Variants in EPHA6 observed in about 807,000 individuals in gnomAD.
EPHA6 encodes the protein ephrin type-A receptor 6.
A neutral mutation model predicts 112.0 loss-of-function variants in EPHA6; 50 were observed. The ratio of observed to expected loss-of-function variants is 0.45; its 90% CI spans 0.36 to 0.56. The LOEUF (loss-of-function observed/expected upper bound fraction) is 0.56, where lower values mean the gene tolerates loss of function less well. Ranked by LOEUF, EPHA6 falls within the 20% of genes least tolerant of loss-of-function variation. The probability of loss-of-function intolerance (pLI) is 0.00; values close to 1 mark genes in which losing one functional copy is unlikely to be tolerated. For missense variants in EPHA6, 1,280 were observed against 1,417.4 expected (o/e 0.90, Z 1.56); for synonymous variants, 529 against 490.7 (o/e 1.08, Z -1.03).
intron 1 of EPHA6, among the ~76,000 whole-genome samples, chr3:96,820,628 A>G (rs1434136893): frequency 6.6e-6 from 1 of 152,128 alleles, no homozygotes; most frequent in Non-Finnish European, 1.5e-5. Flanking sequence ...GAACAAAAAT[A>G]TGTAGCAAGG....
At chr3:97,163,890 A>C (rs1456522449) in intron 3 of EPHA6, among the ~76,000 whole-genome samples, 1 of 152,202 alleles carries the variant, frequency 6.6e-6, no homozygotes, top group Non-Finnish European at 1.5e-5. Context: ...AAAAGCTGGG[A>C]GTATACTTGT....
intron 13 of EPHA6, among the ~76,000 whole-genome samples, chr3:97,631,972 A>G (rs2093906988): frequency 6.6e-6 from 1 of 151,994 alleles, no homozygotes; most frequent in South Asian, 2.1e-4. Context: ...AAGATCTAGA[A>G]AGAAATATAG....
At chr3:97,569,010 C>G (rs1238451543) in intron 11 of EPHA6, among the ~76,000 whole-genome samples, 2 of 152,084 alleles carry the variant, frequency 1.3e-5, no homozygotes, top group Non-Finnish European at 2.9e-5. Flanking sequence ...CAGTCAGACA[C>G]CAAGGGTAGG....
chr3:96,976,847 A>G (rs2092230331), intron 2 of EPHA6, among the ~76,000 whole-genome samples: 1 of 152,196 alleles, frequency 6.6e-6, no homozygotes, highest in Admixed American at 6.6e-5. Flanking sequence ...GTCTACTTTT[A>G]GGAGCTTCAC....
At chr3:97,097,716 A>G (rs1359159783) in intron 3 of EPHA6, among the ~76,000 whole-genome samples, 7 of 151,944 alleles carry the variant, frequency 4.6e-5, no homozygotes, top group African/African-American at 1.4e-4. Context: ...TGTATCCATA[A>G]TAGGTACAAT....
chr3:97,554,933 T>C (rs968922038), intron 11 of EPHA6, among the ~76,000 whole-genome samples: 1 of 152,036 alleles, frequency 6.6e-6, no homozygotes, highest in Non-Finnish European at 1.5e-5. Flanking sequence ...CCTTTTTTTT[T>C]TTAATTATTA....
intron 11 of EPHA6, among the ~76,000 whole-genome samples, chr3:97,548,187 C>T (rs1165629783): frequency 3.9e-5 from 6 of 152,104 alleles, no homozygotes; most frequent in African/African-American, 7.2e-5. Flanking sequence ...CGGAGCTGTT[C>T]GTATTCGGCC....
rs1330147741 is a variant in EPHA6 at position 96,936,140 on chromosome 3, A to G, written c.451-51190A>G. 3.3e-5 allele frequency among the ~76,000 whole-genome samples: 5 copies of G among 152,252 alleles called. No individual in the cohort carries two copies. In the East Asian group the frequency reaches 9.7e-4, roughly 29 times the overall value. ...GCAGCTCCATAGGAGCCAGGTTGGA[A>G]AAGTTTCTAGGAAAACAACATCTAT... On this transcript the variant is annotated intron_variant, in intron 2 of 17. Transcript: ENST00000389672.
intron 5 of EPHA6, among the ~76,000 whole-genome samples, chr3:97,371,227 A>C (rs186365784): frequency 1.1e-4 from 16 of 152,266 alleles, no homozygotes; most frequent in African/African-American, 3.8e-4. Context: ...TACTTCTTAA[A>C]GGTAAGTATA....
chr3:97,164,207 C>T (rs1394558296), intron 3 of EPHA6, among the ~76,000 whole-genome samples: 1 of 152,152 alleles, frequency 6.6e-6, no homozygotes, highest in Non-Finnish European at 1.5e-5. Flanking sequence ...AGGAGTATCA[C>T]ATATAGATAT....
intron 11 of EPHA6, among the ~76,000 whole-genome samples, chr3:97,547,861 C>G (rs1345525253): frequency 6.6e-6 from 1 of 152,212 alleles, no homozygotes; most frequent in East Asian, 1.9e-4. Flanking sequence ...TAGGACCCTC[C>G]AAGCCATGTG....
chr3:97,096,268 TACACACCCACAC>T (rs1302047573), intron 3 of EPHA6, among the ~76,000 whole-genome samples: 5 of 142,892 alleles, frequency 3.5e-5, no homozygotes, highest in Non-Finnish European at 7.6e-5. Flanking sequence ...TACACACACA[TACACACCCACAC>T]ACACACACAC....
intron 2 of EPHA6, among the ~76,000 whole-genome samples, chr3:96,936,285 A>G (rs1190682568): frequency 1.3e-5 from 2 of 151,992 alleles, no homozygotes; most frequent in African/African-American, 2.4e-5. Flanking sequence ...GTTTTTTAAA[A>G]CTCAATAAAA....
chr3:96,958,960 C>A (rs2041862679), intron 2 of EPHA6, among the ~76,000 whole-genome samples: 1 of 152,090 alleles, frequency 6.6e-6, no homozygotes, highest in Non-Finnish European at 1.5e-5. Flanking sequence ...ATGAGTAATG[C>A]CGCTGTGAAC....
At position 97,622,955 on chromosome 3, in the gene EPHA6, A is replaced by ATT. The variant is rs113591597; in HGVS notation, c.2574+12109_2574+12110dup. 5.9e-3 allele frequency among the ~76,000 whole-genome samples: 889 copies of ATT among 150,478 alleles called. 13 individuals are homozygous for ATT. The highest frequency in any genetic ancestry group is 0.02 in the African/African-American group (824 of 40,924). On this transcript the variant is annotated intron_variant, in intron 13 of 17. Transcript: ENST00000389672. ...TTCCATTTTTGAATCAGGTTGCTTG[A>ATT]TTTTTTTTTGTTGAATTTTAGGAGT...
chr3:97,651,914 A>T (rs935598130), intron 14 of EPHA6, among the ~76,000 whole-genome samples: 5 of 151,846 alleles, frequency 3.3e-5, no homozygotes, highest in African/African-American at 1.2e-4. Context: ...ATTGTGTGTC[A>T]CTAGTGTCAC....
At chr3:96,860,087 T>G (rs2035924430) in intron 1 of EPHA6, among the ~76,000 whole-genome samples, 1 of 152,092 alleles carries the variant, frequency 6.6e-6, no homozygotes, top group African/African-American at 2.4e-5. Flanking sequence ...TATATAGAGT[T>G]TAAATATAAC....
At chr3:97,013,423 T>C (rs2044158963) in intron 3 of EPHA6, among the ~76,000 whole-genome samples, 1 of 152,174 alleles carries the variant, frequency 6.6e-6, no homozygotes, top group Non-Finnish European at 1.5e-5. Flanking sequence ...TACATCTATA[T>C]TATATTCTGC....
At chr3:97,433,575 G>C (rs777350455) in intron 6 of EPHA6, among the ~76,000 whole-genome samples, 1 of 152,120 alleles carries the variant, frequency 6.6e-6, no homozygotes, top group African/African-American at 2.4e-5. Flanking sequence ...ATTTTAAAAG[G>C]TGACTAGGCA....
Sources: allele counts gnomAD v4.1 joint callset (sites outside exome capture counted in the v4.1 genomes callset), GRCh38; gene constraint gnomAD v4.1.1; transcripts MANE v1.5; gene names NCBI Gene and HGNC (gene_info 2026-07-23, HGNC 2026-07-21).